The following CADM2 variants were observed in gnomAD, a reference collection of about 807,000 sequenced individuals.
CADM2 encodes the protein immunoglobulin superfamily member 4D.
In CADM2, 12 loss-of-function variants were observed where a neutral mutation model predicts 49.8. The observed-to-expected ratio is 0.24, with a 90% CI of 0.15 to 0.39. The LOEUF (loss-of-function observed/expected upper bound fraction) is 0.39, where lower values mean the gene tolerates loss of function less well. Among genes scored for constraint, CADM2 ranks in the 10% least tolerant of loss-of-function variants. The pLI is 1.00. For missense variants in CADM2, 378 were observed against 492.3 expected (o/e 0.77, Z 2.20); for synonymous variants, 214 against 175.4 (o/e 1.22, Z -1.74).
chr3:85,440,925 T>C (rs2037173146), intron 1 of CADM2, among the ~76,000 whole-genome samples: 1 of 152,070 alleles, frequency 6.6e-6, no homozygotes, highest in Non-Finnish European at 1.5e-5. Context: ...GAGGTTGCAG[T>C]GAGCCAGCCT....
intron 1 of CADM2, among the ~76,000 whole-genome samples, chr3:85,652,772 CTTTTTT>C (rs34756757): frequency 1.8e-4 from 9 of 50,786 alleles, no homozygotes; most frequent in East Asian, 1.2e-3. Context: ...TTTTTCTTTT[CTTTTTT>C]TTTTTTTTTT....
intron 8 of CADM2, among the ~76,000 whole-genome samples, chr3:86,019,605 G>C (rs1345746540): frequency 6.6e-6 from 1 of 151,124 alleles, no homozygotes; most frequent in South Asian, 2.1e-4. Flanking sequence ...TCCCTTGTAA[G>C]TTGGATTCCT....
At chr3:85,314,477 A>T (rs1391947435) in intron 1 of CADM2, among the ~76,000 whole-genome samples, 1 of 152,048 alleles carries the variant, frequency 6.6e-6, no homozygotes, top group East Asian at 1.9e-4. Context: ...TTAAAAAAAA[A>T]CCTTCATAAT....
chr3:85,738,709 T>TA (rs1229340789), intron 2 of CADM2, among the ~76,000 whole-genome samples: 1 of 152,206 alleles, frequency 6.6e-6, no homozygotes, highest in South Asian at 2.1e-4. Flanking sequence ...ATGCAAGTTT[T>TA]AAAAAGTCTT....
chr3:85,714,792 G>T (rs57126458), intron 1 of CADM2, among the ~76,000 whole-genome samples: 63,623 of 151,628 alleles, frequency 0.42, 13,417 homozygotes, highest in South Asian at 0.49. Context: ...TACTCCCCTC[G>T]TTAAGATGAT....
intron 1 of CADM2, among the ~76,000 whole-genome samples, chr3:85,020,239 G>A (rs891848304): frequency 6.6e-6 from 1 of 151,966 alleles, no homozygotes; most frequent in African/African-American, 2.4e-5. Flanking sequence ...CTGAATTACA[G>A]CTGAAAATAT....
intron 1 of CADM2, among the ~76,000 whole-genome samples, chr3:85,556,251 A>G (rs947718933): frequency 1.3e-5 from 2 of 152,100 alleles, no homozygotes; most frequent in Non-Finnish European, 2.9e-5. Flanking sequence ...TATATTTAGT[A>G]TTCGTATGGG....
Position 85,201,407 on chromosome 3 carries a change from A to G in CADM2, c.61+241739A>G, listed in dbSNP as rs1415845391. ...TTTATTACTAAAAATGCTTATGGTC[A>G]TGTGATACTTTATCAAGTTATAATA... On this transcript the variant is annotated intron_variant, in intron 1 of 9. Transcript: ENST00000383699. Among the ~76,000 whole-genome samples, 15 of 152,334 alleles carry G rather than the reference A, an allele frequency of 9.8e-5. No homozygotes were observed. The East Asian group carries it at 2.9e-3, about 29-fold the overall frequency.
At chr3:85,070,440 G>C (rs1211364604) in intron 1 of CADM2, among the ~76,000 whole-genome samples, 1 of 152,034 alleles carries the variant, frequency 6.6e-6, no homozygotes, top group African/African-American at 2.4e-5. Flanking sequence ...TATTTGTTTA[G>C]ACCATTAAAT....
At chr3:85,440,252 A>C (rs1163997945) in intron 1 of CADM2, among the ~76,000 whole-genome samples, 1 of 152,150 alleles carries the variant, frequency 6.6e-6, no homozygotes, top group Non-Finnish European at 1.5e-5. Context: ...ATAATTAGGA[A>C]ACGTGATTAC....
intron 3 of CADM2, among the ~76,000 whole-genome samples, chr3:85,850,356 G>T: frequency 8.4e-6 from 1 of 119,434 alleles, no homozygotes; most frequent in African/African-American, 3.2e-5. Context: ...ACAGAGTCTC[G>T]CTCCGTCGCC....
chr3:85,516,091 C>A (rs1327449086), intron 1 of CADM2, among the ~76,000 whole-genome samples: 36 of 152,098 alleles, frequency 2.4e-4, no homozygotes, highest in Admixed American at 2.4e-3. Context: ...TAATAATATT[C>A]ATGATCATTT....
chr3:86,056,442 G>A (rs951062308), intron 8 of CADM2, among the ~76,000 whole-genome samples: 11 of 152,212 alleles, frequency 7.2e-5, no homozygotes, highest in Middle Eastern at 3.4e-3. Flanking sequence ...GAACAAACAG[G>A]GTATCTTTTT....
At chr3:85,528,211 T>A (rs750826142) in intron 1 of CADM2, among the ~76,000 whole-genome samples, 10 of 152,096 alleles carry the variant, frequency 6.6e-5, no homozygotes, top group Non-Finnish European at 1.3e-4. Flanking sequence ...ATCACAGACA[T>A]CCTAAGTGCC....
At chr3:85,213,745 T>C (rs935327651) in intron 1 of CADM2, among the ~76,000 whole-genome samples, 1 of 152,114 alleles carries the variant, frequency 6.6e-6, no homozygotes, top group Non-Finnish European at 1.5e-5. Flanking sequence ...TTTCTAGACA[T>C]GTTTCATTAT....
At chr3:85,007,822 G>T (rs114666791) in intron 1 of CADM2, among the ~76,000 whole-genome samples, 1 of 152,276 alleles carries the variant, frequency 6.6e-6, no homozygotes, top group East Asian at 1.9e-4. Flanking sequence ...GTAGCCATTA[G>T]TGATGTTAAT....
chr3:86,056,022 C>T (rs993086509), intron 8 of CADM2, among the ~76,000 whole-genome samples: 2 of 152,138 alleles, frequency 1.3e-5, no homozygotes, highest in African/African-American at 4.8e-5. Flanking sequence ...AGCAAATGGC[C>T]CCATGGTAAT....
chr3:85,721,624 A>G (rs2067506396), intron 1 of CADM2, among the ~76,000 whole-genome samples: 1 of 152,202 alleles, frequency 6.6e-6, no homozygotes, highest in East Asian at 1.9e-4. Flanking sequence ...GTGAGGCTGC[A>G]GCTGGACCAG....
intron 8 of CADM2, among the ~76,000 whole-genome samples, chr3:85,990,430 C>A (rs1336521487): frequency 6.6e-6 from 1 of 152,076 alleles, no homozygotes; most frequent in African/African-American, 2.4e-5. Flanking sequence ...TTTTAACTTA[C>A]AATGGGATTA....
Sources: allele counts gnomAD v4.1 joint callset (sites outside exome capture counted in the v4.1 genomes callset), GRCh38; gene constraint gnomAD v4.1.1; transcripts MANE v1.5; gene names NCBI Gene and HGNC (gene_info 2026-07-23, HGNC 2026-07-21).